Variants in TPD52L1 observed in about 807,000 individuals in gnomAD.
TPD52L1 encodes the protein TPD52 like 1.
In TPD52L1, 18 loss-of-function variants were observed where a neutral mutation model predicts 28.7. That is an observed-to-expected ratio of 0.63 (90% CI 0.43 to 0.93). The LOEUF is 0.93. TPD52L1 is among the 40% of genes least tolerant of loss of function. TPD52L1 has a pLI of 0.00. For synonymous variants in TPD52L1, 75 were observed against 88.8 expected, an observed-to-expected ratio of 0.84 and a Z score of 0.88; for missense variants, 203 against 254.8, an observed-to-expected ratio of 0.80 and a Z score of 1.39.
chr6:125,188,042 A>G (rs143737463), intron 1 of TPD52L1, among the ~76,000 whole-genome samples: 29 of 152,252 alleles, frequency 1.9e-4, no homozygotes, highest in African/African-American at 6.3e-4. Context: ...AGACGTTTCT[A>G]TTGAGAAGAG....
At chr6:125,242,346 T>G (rs1292520015) in intron 3 of TPD52L1, among the ~76,000 whole-genome samples, 1 of 152,140 alleles carries the variant, frequency 6.6e-6, no homozygotes, top group Admixed American at 6.5e-5. Context: ...GTTTCATTGT[T>G]GATTTTCCAT....
At chr6:125,259,208 A>G (rs747043177) in intron 6 of TPD52L1, among the ~76,000 whole-genome samples, 9 of 152,214 alleles carry the variant, frequency 5.9e-5, no homozygotes, top group Admixed American at 1.3e-4. Flanking sequence ...CTGCATTTCC[A>G]TTCACATGCC....
At chr6:125,208,888 C>T in intron 1 of TPD52L1, 1 of 985,316 alleles carries the variant, frequency 1.0e-6, no homozygotes, top group South Asian at 4.7e-5. Context: ...TGAAGAGAAC[C>T]TTTCAATCCC....
At chr6:125,181,245 T>C (rs1792175686) in intron 1 of TPD52L1, among the ~76,000 whole-genome samples, 1 of 152,198 alleles carries the variant, frequency 6.6e-6, no homozygotes, top group Admixed American at 6.5e-5. Flanking sequence ...AAGAACTATG[T>C]CAAGATCAAA....
At chr6:125,162,346 G>C (rs185264068) in intron 1 of TPD52L1, among the ~76,000 whole-genome samples, 2 of 152,244 alleles carry the variant, frequency 1.3e-5, no homozygotes. Context: ...TGCCTTCCCT[G>C]TTATACACCT....
At chr6:125,194,578 G>T (rs1158791290) in intron 1 of TPD52L1, among the ~76,000 whole-genome samples, 1 of 152,068 alleles carries the variant, frequency 6.6e-6, no homozygotes, top group Non-Finnish European at 1.5e-5. Context: ...AGCAGCTCTT[G>T]GTTCTTTCAA....
chr6:125,178,816 T>C (rs965524970), intron 1 of TPD52L1, among the ~76,000 whole-genome samples: 3 of 152,204 alleles, frequency 2.0e-5, no homozygotes, highest in African/African-American at 7.2e-5. Context: ...TTTAGGCTAC[T>C]TCCCAATAGA....
intron 1 of TPD52L1, among the ~76,000 whole-genome samples, chr6:125,198,821 AG>A (rs1415228430): frequency 6.6e-6 from 1 of 152,160 alleles, no homozygotes; most frequent in Non-Finnish European, 1.5e-5. Context: ...TTACGGGATG[AG>A]TACTACTCGT....
chr6:125,169,989 C>T (rs73771239), intron 1 of TPD52L1, among the ~76,000 whole-genome samples: 9,492 of 152,162 alleles, frequency 0.062, 574 homozygotes, highest in East Asian at 0.33. Context: ...TTCTTCAAGA[C>T]GCTTCCTCAG....
rs1354916903 is a variant in TPD52L1 at position 125,153,950 on chromosome 6, C to T, written c.-2C>T. The T allele has an allele frequency of 2.5e-6, 4 of 1,607,434 alleles. No individual in the cohort carries two copies. The Admixed American group carries it at 5.0e-5, about 20-fold the overall frequency. On this transcript the variant is annotated 5_prime_UTR_variant, in exon 1 of 7. Transcript: ENST00000534000. Reference sequence around the variant, plus strand: ...GCCGCCCTCAGCTCGAAGTCAGCCACCATGGAGGCGCAGGCACAAGGTGAG... The same window carrying T: ...GCCGCCCTCAGCTCGAAGTCAGCCATCATGGAGGCGCAGGCACAAGGTGAG...
chr6:125,172,539 T>TATTATATATATATATA (rs1562214605), intron 1 of TPD52L1, among the ~76,000 whole-genome samples: 1 of 95,042 alleles, frequency 1.1e-5, no homozygotes, highest in Admixed American at 1.2e-4. Context: ...TATATATATA[T>TATTATATATATATATA]ATATATATAT....
chr6:125,252,093 T>C (rs1385548200), intron 4 of TPD52L1: 3 of 1,528,568 alleles, frequency 2.0e-6, no homozygotes, highest in Non-Finnish European at 2.6e-6. Flanking sequence ...GCCCCTTTGC[T>C]TTCCAGGGCT....
intron 1 of TPD52L1, among the ~76,000 whole-genome samples, chr6:125,190,409 A>G (rs975338722): frequency 1.3e-5 from 2 of 152,142 alleles, no homozygotes; most frequent in Non-Finnish European, 2.9e-5. Flanking sequence ...ACTCAGAGCC[A>G]TGAAGACTGT....
Position 125,173,575 on chromosome 6 carries a change from G to C in TPD52L1, c.19+19605G>C, listed in dbSNP as rs147687373. The stretch of plus-strand genomic sequence containing the variant: ...TTTCTTACCCAAGAGGGTTGGATTA[G>C]TCGCCCTTGGAGATCCTGCCCAGCT... On this transcript the variant is annotated intron_variant, in intron 1 of 6. Coordinates refer to ENST00000534000, the MANE Select transcript of TPD52L1 (RefSeq NM_003287.4). Among the ~76,000 whole-genome samples, 186 of 152,240 alleles carry C rather than the reference G, an allele frequency of 1.2e-3. 1 individual carries two copies. Among genetic ancestry groups the C allele is most frequent in the African/African-American group, 4.3e-3 (179 of 41,536 alleles).
chr6:125,245,774 G>C (rs1796888303), intron 3 of TPD52L1, among the ~76,000 whole-genome samples: 1 of 152,188 alleles, frequency 6.6e-6, no homozygotes, highest in Non-Finnish European at 1.5e-5. Flanking sequence ...TCTGCTAATA[G>C]AGCCGAGTTT....
chr6:125,249,691 C>CAA (rs11431442), intron 4 of TPD52L1, among the ~76,000 whole-genome samples: 1,400 of 75,044 alleles, frequency 0.019, 46 homozygotes, highest in African/African-American at 0.053. Flanking sequence ...GACTCTGTCT[C>CAA]AAAAAAAAAA....
At chr6:125,239,481 C>T (rs1047528586) in intron 3 of TPD52L1, among the ~76,000 whole-genome samples, 8 of 152,156 alleles carry the variant, frequency 5.3e-5, no homozygotes, top group African/African-American at 1.9e-4. Flanking sequence ...AGGGGAACCC[C>T]TTATAAAACC....
chr6:125,253,550 A>T, intron 4 of TPD52L1, 167 bp from the exon 5 acceptor site: 1 of 622,230 alleles, frequency 1.6e-6, no homozygotes, highest in Non-Finnish European at 2.8e-6. Context: ...AGCTGACTAT[A>T]CCCATTATAC....
chr6:125,261,696 G>A (rs1025496639), intron 6 of TPD52L1: 7 of 150,356 alleles, frequency 4.7e-5, no homozygotes, highest in Admixed American at 1.3e-4. Context: ...TGAGAGATTA[G>A]GAAGCCAGTT....
Sources: gnomAD v4.1 joint callset for allele counts (sites outside exome capture counted in the v4.1 genomes callset) on GRCh38, gnomAD v4.1.1 for gene constraint, MANE v1.5 for transcripts, NCBI Gene and HGNC (gene_info 2026-07-23, HGNC 2026-07-21) for gene names.